Variants in B3GALT1 observed in about 807,000 individuals in gnomAD.
The protein encoded by B3GALT1 is beta-1,3-galactosyltransferase 1, also known as UDP-Gal:betaGlcNAc beta 1,3-galactosyltransferase, polypeptide 1.
Under a neutral mutation model 23.2 loss-of-function variants are expected in B3GALT1, and 10 were observed. The observed-to-expected ratio is 0.43, with a 90% confidence interval of 0.27 to 0.73. The LOEUF (loss-of-function observed/expected upper bound fraction) is 0.73, where lower values mean the gene tolerates loss of function less well. Ranked by LOEUF, B3GALT1 falls within the 30% of genes least tolerant of loss-of-function variation. B3GALT1 has a pLI of 0.21. For synonymous variants in B3GALT1, 156 were observed against 141.5 expected, an observed-to-expected ratio of 1.10 and a Z score of -0.73; for missense variants, 299 against 405.4, an observed-to-expected ratio of 0.74 and a Z score of 2.25.
chr2:167,443,709 A>G (rs974534613), intron 1 of B3GALT1, among the ~76,000 whole-genome samples: 10 of 152,192 alleles, frequency 6.6e-5, no homozygotes, highest in African/African-American at 2.4e-4. Context: ...ATTTTTGCAC[A>G]TTGATTTTGT....
chr2:167,769,808 C>T (rs1446177379), intron 3 of B3GALT1, among the ~76,000 whole-genome samples: 1 of 152,050 alleles, frequency 6.6e-6, no homozygotes, highest in African/African-American at 2.4e-5. Context: ...TTATCTATTC[C>T]TCAGCTGAGG....
At chr2:167,351,184 G>T (rs374704095) in intron 1 of B3GALT1, among the ~76,000 whole-genome samples, 81 of 150,938 alleles carry the variant, frequency 5.4e-4, no homozygotes, top group African/African-American at 1.8e-3. Flanking sequence ...CGGGAGAATC[G>T]CTTGAACCTG....
chr2:167,398,906 C>G (rs1343648021), intron 1 of B3GALT1, among the ~76,000 whole-genome samples: 7 of 152,114 alleles, frequency 4.6e-5, no homozygotes, highest in Non-Finnish European at 8.8e-5. Flanking sequence ...CTTTAGGGAT[C>G]TCGGTTCTGA....
chr2:167,768,100 C>T (rs1688008297), intron 3 of B3GALT1, among the ~76,000 whole-genome samples: 1 of 152,154 alleles, frequency 6.6e-6, no homozygotes, highest in Non-Finnish European at 1.5e-5. Context: ...TGAGGAGGGC[C>T]ATCTGCTTTA....
chr2:167,621,587 A>G (rs1685260118), intron 2 of B3GALT1, among the ~76,000 whole-genome samples: 2 of 152,040 alleles, frequency 1.3e-5, no homozygotes, highest in South Asian at 2.1e-4. Flanking sequence ...TTTCTTTAGA[A>G]GTTGATATGG....
intron 1 of B3GALT1, among the ~76,000 whole-genome samples, chr2:167,325,675 T>C (rs527288230): frequency 2.0e-5 from 3 of 151,194 alleles, no homozygotes; most frequent in African/African-American, 7.3e-5. Context: ...CTGTTTTTAG[T>C]TTTTTGAGAA....
chr2:167,586,378 C>T (rs530135937), intron 2 of B3GALT1, among the ~76,000 whole-genome samples: 20 of 152,298 alleles, frequency 1.3e-4, no homozygotes, highest in African/African-American at 4.3e-4. Flanking sequence ...CGGCTCACTG[C>T]AACCTCCGCC....
intron 3 of B3GALT1, among the ~76,000 whole-genome samples, chr2:167,804,448 G>C (rs1688707247): frequency 6.6e-6 from 1 of 151,820 alleles, no homozygotes; most frequent in South Asian, 2.1e-4. Context: ...TTTAACATTA[G>C]GTATATCTCC....
Position 167,753,224 on chromosome 2 carries a change from G to C in B3GALT1, c.-351-65448G>C, listed in dbSNP as rs186907517. Among the ~76,000 whole-genome samples, 7 of 152,262 alleles carry C rather than the reference G, an allele frequency of 4.6e-5. No homozygotes were observed. The East Asian group carries it at 1.4e-3, about 29-fold the overall frequency. On this transcript the variant is annotated intron_variant, in intron 3 of 4. Coordinates refer to ENST00000392690, the MANE Select transcript of B3GALT1 (RefSeq NM_020981.4). ...AAAACATAGGAAAATTAAAACTAAGGTAAACAGCAAAGCCCTCTCACACTT... is the reference window on the plus strand; with the variant it reads ...AAAACATAGGAAAATTAAAACTAAGCTAAACAGCAAAGCCCTCTCACACTT...
At chr2:167,304,606 TA>T in intron 1 of B3GALT1, among the ~76,000 whole-genome samples, 1 of 151,578 alleles carries the variant, frequency 6.6e-6, no homozygotes, top group Non-Finnish European at 1.5e-5. Context: ...ACCAATAAAG[TA>T]TGTGTATGTG....
chr2:167,378,527 CTTTTT>C (rs891718171), intron 1 of B3GALT1, among the ~76,000 whole-genome samples: 2 of 150,690 alleles, frequency 1.3e-5, no homozygotes, highest in African/African-American at 4.9e-5. Flanking sequence ...TTTAAAATTC[CTTTTT>C]TTTTATTTTT....
At chr2:167,317,316 T>A (rs991438294) in intron 1 of B3GALT1, among the ~76,000 whole-genome samples, 1 of 152,242 alleles carries the variant, frequency 6.6e-6, no homozygotes, top group East Asian at 1.9e-4. Context: ...CAAATCAGGC[T>A]TTGAAGGGAA....
chr2:167,550,729 G>A (rs558080605), intron 2 of B3GALT1, among the ~76,000 whole-genome samples: 2 of 152,184 alleles, frequency 1.3e-5, no homozygotes, highest in Non-Finnish European at 2.9e-5. Flanking sequence ...TGTTGAAAGA[G>A]GGATGAAAGA....
chr2:167,730,586 A>G (rs1309471268), intron 3 of B3GALT1, among the ~76,000 whole-genome samples: 1 of 152,184 alleles, frequency 6.6e-6, no homozygotes, highest in Non-Finnish European at 1.5e-5. Flanking sequence ...CAAAGTTGAG[A>G]CTGAAACTGG....
At position 167,423,229 on chromosome 2, in the gene B3GALT1, A is replaced by C. The variant is rs1367485058; in HGVS notation, c.-510-66948A>C. On this transcript the variant is annotated intron_variant, in intron 1 of 4. Coordinates refer to ENST00000392690, the MANE Select transcript of B3GALT1 (RefSeq NM_020981.4). Reference sequence around the variant, plus strand: ...GGCTAGAGGAACCAGAGAGTAAAGAAGTTAACTATACCCCGATCCATATGG... The same window carrying C: ...GGCTAGAGGAACCAGAGAGTAAAGACGTTAACTATACCCCGATCCATATGG... Among the ~76,000 whole-genome samples the C allele has an allele frequency of 2.0e-5, 3 of 152,296 alleles. No individual in the cohort carries two copies. In the East Asian group the frequency reaches 5.8e-4, roughly 29 times the overall value.
intron 3 of B3GALT1, among the ~76,000 whole-genome samples, chr2:167,648,284 T>C (rs1685791658): frequency 6.6e-6 from 1 of 152,156 alleles, no homozygotes; most frequent in African/African-American, 2.4e-5. Context: ...GTCCAAACTC[T>C]GCACACAGGC....
At chr2:167,768,690 A>C (rs1430583383) in intron 3 of B3GALT1, among the ~76,000 whole-genome samples, 1 of 152,204 alleles carries the variant, frequency 6.6e-6, no homozygotes, top group African/African-American at 2.4e-5. Flanking sequence ...GCCTCTGACA[A>C]GTTCATAGAA....
chr2:167,440,361 A>G (rs975079383), intron 1 of B3GALT1, among the ~76,000 whole-genome samples: 4 of 151,428 alleles, frequency 2.6e-5, no homozygotes, highest in African/African-American at 9.7e-5. Flanking sequence ...AAAAAAAAAA[A>G]AAAGAAATAA....
intron 3 of B3GALT1, among the ~76,000 whole-genome samples, chr2:167,683,354 TG>T (rs1193737003): frequency 6.6e-6 from 1 of 152,204 alleles, no homozygotes; most frequent in African/African-American, 2.4e-5. Context: ...CCTGCCCCTC[TG>T]CAGTACCAGC....
Sources: gnomAD v4.1 joint callset for allele counts (sites outside exome capture counted in the v4.1 genomes callset) on GRCh38, gnomAD v4.1.1 for gene constraint, MANE v1.5 for transcripts, NCBI Gene and HGNC (gene_info 2026-07-23, HGNC 2026-07-21) for gene names.